The following LRRC7 variants were observed in gnomAD, a reference collection of about 807,000 sequenced individuals.
LRRC7 encodes the protein leucine rich repeat containing 7.
A neutral mutation model predicts 175.7 loss-of-function variants in LRRC7; 23 were observed. That is an observed-to-expected ratio of 0.13 (90% CI 0.09 to 0.19). The LOEUF (loss-of-function observed/expected upper bound fraction) is 0.19, where lower values mean the gene tolerates loss of function less well. Ranked by LOEUF, LRRC7 falls within the 10% of genes least tolerant of loss-of-function variation. The probability of loss-of-function intolerance (pLI) is 1.00; values close to 1 mark genes in which losing one functional copy is unlikely to be tolerated. For synonymous variants in LRRC7, 685 were observed against 680.9 expected (o/e 1.01, Z -0.09); for missense variants, 1,354 against 1,904.7 (o/e 0.71, Z 5.38).
rs142838270 is a variant in LRRC7 at position 69,944,613 on chromosome 1, C to T, written c.711+13043C>T. 1.2e-4 allele frequency among the ~76,000 whole-genome samples: 18 copies of T among 152,096 alleles called. No homozygotes were observed. In the East Asian group the frequency reaches 2.1e-3, roughly 18 times the overall value. ...TTTCCATAATGACAGCACCATTTTA[C>T]GTTCCCACCAACAGTACATAAGAGT... On this transcript the variant is annotated intron_variant, in intron 8 of 26. Transcript: ENST00000651989.
intron 1 of LRRC7, among the ~76,000 whole-genome samples, chr1:69,666,158 A>C (rs1445345473): frequency 6.6e-6 from 1 of 152,138 alleles, no homozygotes; most frequent in Non-Finnish European, 1.5e-5. Context: ...CCATCTGTAC[A>C]TCCCTGGGAT....
intron 23 of LRRC7, among the ~76,000 whole-genome samples, chr1:70,057,005 G>A (rs146748317): frequency 8.6e-4 from 131 of 152,202 alleles, no homozygotes; most frequent in African/African-American, 3.1e-3. Flanking sequence ...AATGTTGGGG[G>A]GGGAATCCAT....
intron 8 of LRRC7, among the ~76,000 whole-genome samples, chr1:69,951,201 T>G (rs186614435): frequency 6.6e-6 from 1 of 151,426 alleles, no homozygotes; most frequent in Non-Finnish European, 1.5e-5. Context: ...GCAATATCAC[T>G]GATCACTAGA....
chr1:69,643,364 A>G (rs1285103549), intron 1 of LRRC7, among the ~76,000 whole-genome samples: 1 of 152,158 alleles, frequency 6.6e-6, no homozygotes, highest in Non-Finnish European at 1.5e-5. Flanking sequence ...ATTAACTCTC[A>G]CAGTCAGTAA....
chr1:69,948,128 A>C (rs1025739874), intron 8 of LRRC7, among the ~76,000 whole-genome samples: 1 of 152,170 alleles, frequency 6.6e-6, no homozygotes, highest in Non-Finnish European at 1.5e-5. Flanking sequence ...TACTCAGAAC[A>C]GTGCACAATT....
chr1:69,983,121 G>C (rs1653601838), intron 9 of LRRC7, among the ~76,000 whole-genome samples: 1 of 152,186 alleles, frequency 6.6e-6, no homozygotes, highest in South Asian at 2.1e-4. Context: ...TAGGTAACAT[G>C]ATAGTTCCTT....
At chr1:69,987,056 A>G (rs1653998242) in intron 10 of LRRC7, among the ~76,000 whole-genome samples, 1 of 152,200 alleles carries the variant, frequency 6.6e-6, no homozygotes, top group African/African-American at 2.4e-5. Flanking sequence ...AGCCTAGCCA[A>G]TATGGTGAAA....
intron 7 of LRRC7, among the ~76,000 whole-genome samples, chr1:69,851,134 A>G (rs973979686): frequency 1.9e-4 from 29 of 152,172 alleles, no homozygotes; most frequent in Admixed American, 1.8e-3. Context: ...TGAGAAGTCA[A>G]TTAAGAAGGA....
chr1:70,097,201 T>C (rs922107275), intron 25 of LRRC7, among the ~76,000 whole-genome samples: 5 of 152,208 alleles, frequency 3.3e-5, no homozygotes, highest in Admixed American at 1.3e-4. Flanking sequence ...AGAGCCACTT[T>C]ATTAGTCAAC....
In LRRC7 at chr1:69,717,833, A is replaced by AG. The variant is rs1557641217; in HGVS notation, c.100+39356dup. ...AAGAAAGAAAGAAAGAAAGAAAGAA[A>AG]GAAAGAAAAAAGAAAGAAAGGAAAG... is the stretch of plus-strand genomic sequence containing the variant. On this transcript the variant is annotated intron_variant, in intron 2 of 26. Coordinates refer to ENST00000651989, the MANE Select transcript of LRRC7 (RefSeq NM_001370785.2). Among the ~76,000 whole-genome samples the AG allele has an allele frequency of 7.5e-3, 439 of 58,838 alleles. 52 individuals are homozygous for AG. The highest frequency in any genetic ancestry group is 0.015 in the African/African-American group (155 of 10,574). The allele number at this position is 58,838 out of a possible 152,430, so 38.6% of individuals were successfully genotyped here.
chr1:70,055,575 C>T (rs573220264), intron 23 of LRRC7, among the ~76,000 whole-genome samples: 37 of 152,216 alleles, frequency 2.4e-4, no homozygotes, highest in Middle Eastern at 3.4e-3. Flanking sequence ...ACTCACAGTT[C>T]CTCAGGCTGT....
At chr1:69,911,341 C>T (rs1646523785) in intron 7 of LRRC7, among the ~76,000 whole-genome samples, 1 of 152,192 alleles carries the variant, frequency 6.6e-6, no homozygotes, top group Non-Finnish European at 1.5e-5. Context: ...GCCTTCTTGG[C>T]TCCACCCTGT....
intron 16 of LRRC7, among the ~76,000 whole-genome samples, chr1:70,022,666 A>G (rs1657635848): frequency 6.6e-6 from 1 of 152,188 alleles, no homozygotes; most frequent in Non-Finnish European, 1.5e-5. Flanking sequence ...AATATTTCCA[A>G]TGCCATTGGC....
rs557791457 is a variant in LRRC7 at position 70,013,522 on chromosome 1, A to G, written c.1250+433A>G. The stretch of plus-strand genomic sequence containing the variant: ...TAACTGGGCAATGTGTATATTTTCA[A>G]TTCCATCAAAGTGCTCATTAGAATA... On this transcript the variant is annotated intron_variant, in intron 13 of 26. Transcript: ENST00000651989. Among the ~76,000 whole-genome samples, 41 of 152,066 alleles carry G rather than the reference A, an allele frequency of 2.7e-4. 1 individual carries two copies. In the South Asian group the frequency reaches 7.5e-3, roughly 28 times the overall value.
intron 2 of LRRC7, among the ~76,000 whole-genome samples, chr1:69,719,668 C>CTT (rs549735967): frequency 6.6e-4 from 100 of 151,546 alleles, no homozygotes; most frequent in African/African-American, 2.3e-3. Flanking sequence ...TGCATTATTT[C>CTT]TTTTTCTGTC....
chr1:70,085,712 G>T (rs932859188), intron 24 of LRRC7, among the ~76,000 whole-genome samples: 1 of 152,034 alleles, frequency 6.6e-6, no homozygotes, highest in African/African-American at 2.4e-5. Context: ...TAAATAAGTA[G>T]AATAACTCCT....
intron 17 of LRRC7, among the ~76,000 whole-genome samples, chr1:70,026,972 C>A (rs1353349491): frequency 6.6e-6 from 1 of 152,108 alleles, no homozygotes; most frequent in Non-Finnish European, 1.5e-5. Context: ...ATATCACCAT[C>A]ATAGTTTCTT....
chr1:69,832,176 A>G (rs1173239123), intron 5 of LRRC7, among the ~76,000 whole-genome samples: 2 of 152,158 alleles, frequency 1.3e-5, no homozygotes, highest in African/African-American at 2.4e-5. Context: ...TTGGACTTTA[A>G]CTTTCTGGGG....
intron 3 of LRRC7, among the ~76,000 whole-genome samples, chr1:69,779,031 T>TACAC (rs535028708): frequency 7.0e-6 from 1 of 143,464 alleles, no homozygotes; most frequent in African/African-American, 2.5e-5. Flanking sequence ...TATATATATA[T>TACAC]ACACACACAC....
Sources: gnomAD v4.1 joint callset for allele counts (sites outside exome capture counted in the v4.1 genomes callset) on GRCh38, gnomAD v4.1.1 for gene constraint, MANE v1.5 for transcripts, NCBI Gene and HGNC (gene_info 2026-07-23, HGNC 2026-07-21) for gene names.